Variants in WDR17 observed in about 807,000 individuals in gnomAD.
WDR17 encodes the protein WD repeat-containing protein 17.
Under a neutral mutation model 161.7 loss-of-function variants are expected in WDR17, and 143 were observed. That is an observed-to-expected ratio of 0.88 (90% CI 0.77 to 1.02). The LOEUF (loss-of-function observed/expected upper bound fraction) is 1.02. WDR17 is among the 50% of genes least tolerant of loss of function. WDR17 has a pLI of 0.00. For missense variants in WDR17, 1,469 were observed against 1,520.9 expected, an observed-to-expected ratio of 0.97 and a Z score of 0.57; for synonymous variants, 517 against 515.6, an observed-to-expected ratio of 1.00 and a Z score of -0.04.
chr4:176,179,368 T>G (rs1298442911), intron 28 of WDR17, 92 bp from the exon 29 acceptor site: 1 of 1,286,596 alleles, frequency 7.8e-7, no homozygotes, highest in Admixed American at 3.0e-5. Flanking sequence ...TATTATGTTT[T>G]TTTTTATTGC....
At chr4:176,093,105 T>C (rs1736353725) in intron 1 of WDR17, among the ~76,000 whole-genome samples, 1 of 151,912 alleles carries the variant, frequency 6.6e-6, no homozygotes, top group Admixed American at 6.6e-5. Context: ...CAGCTACAAA[T>C]AAAATAAAAT....
At chr4:176,138,444 G>A (rs1215231891) in intron 9 of WDR17, among the ~76,000 whole-genome samples, 6 of 151,564 alleles carry the variant, frequency 4.0e-5, no homozygotes, top group African/African-American at 1.2e-4. Context: ...AGACCACTGT[G>A]AGCAATTTTG....
At position 176,182,603 on chromosome 4, in the gene WDR17, C is replaced by T. The variant is rs1212037515; in HGVS notation, c.*3024C>T. ...ATTTAGTAGTTCATATTTAGTATAT[C>T]AGTAATATAGAAGACATCTTTATAG... On this transcript the variant is annotated 3_prime_UTR_variant, in exon 29 of 29. Transcript: ENST00000508596. This position sits in a 1 kb window ranked among gnomAD's most constrained non-coding sequence, Gnocchi z 4.2. 6.6e-6 allele frequency: 1 copy of T among 151,822 alleles called. No individual in the cohort carries two copies. The highest frequency in any genetic ancestry group is 1.5e-5 in the Non-Finnish European group (1 of 67,952). The allele number at this position is 151,822 out of a possible 1,614,324, so 9.4% of individuals were successfully genotyped here.
At chr4:176,154,789 A>G (rs1316712668) in intron 17 of WDR17, among the ~76,000 whole-genome samples, 1 of 152,196 alleles carries the variant, frequency 6.6e-6, no homozygotes, top group Admixed American at 6.5e-5. Flanking sequence ...GATAATTGCA[A>G]TAGAACCCTA....
At chr4:176,154,730 T>A (rs985265898) in intron 17 of WDR17, among the ~76,000 whole-genome samples, 1 of 152,214 alleles carries the variant, frequency 6.6e-6, no homozygotes, top group African/African-American at 2.4e-5. Context: ...AAAAATTGCC[T>A]GTTTAAAATT....
At position 176,145,427 on chromosome 4, in the gene WDR17, C is replaced by T. The variant is rs565289725; in HGVS notation, c.1530-568C>T. On this transcript the variant is annotated intron_variant, in intron 11 of 28. Coordinates refer to ENST00000508596, the MANE Select transcript of WDR17 (RefSeq NM_181265.4). The stretch of plus-strand genomic sequence containing the variant: ...TTAAAGCATCTTAAAGAAGGGAAGC[C>T]ATCAAAAAGGAATGGAAAACTGGAC... 5.9e-5 allele frequency among the ~76,000 whole-genome samples: 9 copies of T among 152,234 alleles called. No homozygotes were observed. In the South Asian group the frequency reaches 1.9e-3, roughly 32 times the overall value.
chr4:176,124,986 C>T, intron 4 of WDR17, 118 bp from the exon 5 acceptor site: 1 of 1,174,402 alleles, frequency 8.5e-7, no homozygotes, highest in Non-Finnish European at 1.2e-6. Context: ...ATAAGCACCA[C>T]ATTTGTATTT....
At chr4:176,139,083 C>T (rs1191285835) in intron 9 of WDR17, among the ~76,000 whole-genome samples, 5 of 151,808 alleles carry the variant, frequency 3.3e-5, no homozygotes, top group African/African-American at 9.7e-5. Flanking sequence ...AGAGGTAAAA[C>T]AGCAAACTGG....
At chr4:176,160,360 C>T (rs1297428791) in intron 19 of WDR17, among the ~76,000 whole-genome samples, 2 of 152,106 alleles carry the variant, frequency 1.3e-5, no homozygotes, top group Non-Finnish European at 2.9e-5. Flanking sequence ...CTTGCTCTGT[C>T]ACCCAGGCTG....
At chr4:176,147,977 AT>A (rs1746458802) in intron 12 of WDR17, among the ~76,000 whole-genome samples, 155 bp from the exon 13 acceptor site, 1 of 152,154 alleles carries the variant, frequency 6.6e-6, no homozygotes, top group African/African-American at 2.4e-5. Flanking sequence ...TACAATTATT[AT>A]TTTTTAAATT....
chr4:176,147,594 T>C lies in WDR17; in HGVS notation c.1695-539T>C, dbSNP rs115943403. Among the ~76,000 whole-genome samples the C allele has an allele frequency of 7.9e-3, 1,199 of 152,304 alleles. 16 individuals are homozygous for C. The highest frequency in any genetic ancestry group is 0.027 in the African/African-American group (1,129 of 41,572). On this transcript the variant is annotated intron_variant, in intron 12 of 28. Transcript: ENST00000508596. ...TCATACATGTTATACTTTTATAATT[T>C]ACAAATCATCTTAATATATTAAATT...
chr4:176,140,429 T>C (rs898918831), intron 10 of WDR17, among the ~76,000 whole-genome samples: 6 of 152,098 alleles, frequency 3.9e-5, no homozygotes, highest in African/African-American at 1.4e-4. Context: ...AGAAATAAAG[T>C]CATGCATGTG....
intron 18 of WDR17, among the ~76,000 whole-genome samples, chr4:176,158,176 G>T (rs77377363): frequency 1.3e-5 from 2 of 152,216 alleles, no homozygotes; most frequent in African/African-American, 2.4e-5. Flanking sequence ...TAGAATATCC[G>T]CACAAGCTAA....
intron 18 of WDR17, among the ~76,000 whole-genome samples, chr4:176,158,527 T>G (rs1347177805): frequency 6.6e-6 from 1 of 152,206 alleles, no homozygotes; most frequent in Non-Finnish European, 1.5e-5. Context: ...GATCATTAGT[T>G]CTCTTTGGAC....
intron 5 of WDR17, among the ~76,000 whole-genome samples, chr4:176,127,854 C>T (rs1230555187): frequency 6.6e-6 from 1 of 152,208 alleles, no homozygotes; most frequent in East Asian, 1.9e-4. Flanking sequence ...TACTTTCTAT[C>T]TCTGTGGACT....
Position 176,108,359 on chromosome 4 carries a change from T to C in WDR17, c.-6-3216T>C, listed in dbSNP as rs115536941. 8.1e-4 allele frequency among the ~76,000 whole-genome samples: 123 copies of C among 152,008 alleles called. 2 individuals carry two copies. The highest frequency in any genetic ancestry group is 2.8e-3 in the African/African-American group (115 of 41,450). ...AATGTACAGTTCCAACTATAAGACA[T>C]TGTGGGAAGGCAAAACTATGGAAAC... On this transcript the variant is annotated intron_variant, in intron 1 of 28. Transcript: ENST00000508596.
intron 1 of WDR17, among the ~76,000 whole-genome samples, chr4:176,069,267 T>A (rs1462349849): frequency 2.6e-5 from 4 of 152,048 alleles, no homozygotes; most frequent in Non-Finnish European, 5.9e-5. Flanking sequence ...ATATATATAT[T>A]GATAAAAGTC....
intron 4 of WDR17, among the ~76,000 whole-genome samples, chr4:176,123,972 A>T (rs540056021): frequency 3.2e-4 from 49 of 152,314 alleles, no homozygotes; most frequent in African/African-American, 1.1e-3. Flanking sequence ...CACTGTAGAG[A>T]TTCCAAGGAT....
chr4:176,135,270 G>T lies in WDR17; in HGVS notation c.1261G>T (p.Ala421Ser). Reference protein sequence around the residue: ...NEGVIYSLSWAPGGLNCIAGG... With the variant: ...NEGVIYSLSWSPGGLNCIAGG... ...AGGTGTTATTTATTCCCTTTCTTGG[G>T]CTCCAGGTAAGAGATATTTTATTGA... The change falls in exon 8 of 29, where the codon GCT (alanine) becomes TCT (serine). Residue 421 changes from alanine to serine, a missense_variant. Ala to Ser is a moderately conservative substitution (Grantham distance 99). Transcript: ENST00000508596. The T allele has an allele frequency of 6.2e-7, 1 of 1,611,746 alleles. No homozygotes were observed. The highest frequency in any genetic ancestry group is 8.5e-7 in the Non-Finnish European group (1 of 1,178,220).
Sources: allele counts gnomAD v4.1 joint callset (sites outside exome capture counted in the v4.1 genomes callset), GRCh38; gene constraint gnomAD v4.1.1; non-coding constraint Gnocchi (gnomAD v3.1); transcripts MANE v1.5; gene names NCBI Gene and HGNC (gene_info 2026-07-23, HGNC 2026-07-21).